The following KIAA1549 variants were observed in gnomAD, a reference collection of about 807,000 sequenced individuals.
KIAA1549 encodes the protein KIAA1549, also known as UPF0606 protein KIAA1549.
A neutral mutation model predicts 156.4 loss-of-function variants in KIAA1549; 70 were observed. The observed-to-expected ratio is 0.45, with a 90% CI of 0.37 to 0.55. KIAA1549 has a LOEUF of 0.55. Ranked by LOEUF, KIAA1549 falls within the 20% of genes least tolerant of loss-of-function variation. The pLI, the probability that KIAA1549 is intolerant of heterozygous loss-of-function variation, is 0.00. For missense variants in KIAA1549, 2,428 were observed against 2,540.9 expected, an observed-to-expected ratio of 0.96 and a Z score of 0.96; for synonymous variants, 1,103 against 1,066.4, an observed-to-expected ratio of 1.03 and a Z score of -0.67.
chr7:138,840,330 C>A (rs1809877357), intron 18 of KIAA1549, 52 bp from the exon 19 acceptor site: 1 of 1,543,264 alleles, frequency 6.5e-7, no homozygotes, highest in Non-Finnish European at 8.8e-7. Context: ...GAGAGTATGG[C>A]TGCTGAGGAT....
At chr7:138,954,743 A>T (rs1356903812) in intron 1 of KIAA1549, among the ~76,000 whole-genome samples, 1 of 152,186 alleles carries the variant, frequency 6.6e-6, no homozygotes, top group African/African-American at 2.4e-5. Context: ...GTGCAGAGTG[A>T]CTGAAGCTTC....
intron 11 of KIAA1549, among the ~76,000 whole-genome samples, chr7:138,880,113 C>A (rs574672252): frequency 6.6e-6 from 1 of 152,346 alleles, no homozygotes; most frequent in African/African-American, 2.4e-5. Flanking sequence ...GGTGCTTACA[C>A]TGAGATCTGA....
chr7:138,866,991 C>T (rs1453053778), intron 15 of KIAA1549, among the ~76,000 whole-genome samples: 3 of 151,780 alleles, frequency 2.0e-5, no homozygotes, highest in East Asian at 1.9e-4. Flanking sequence ...TTTGGAGAGA[C>T]GGGGTTTCGC....
chr7:138,838,983 A>C (rs1809829601), intron 19 of KIAA1549, among the ~76,000 whole-genome samples: 1 of 152,154 alleles, frequency 6.6e-6, no homozygotes, highest in Admixed American at 6.5e-5. Flanking sequence ...TGGCCAACAT[A>C]GTGAGACCTT....
chr7:138,961,961 G>C (rs73732905), intron 1 of KIAA1549, among the ~76,000 whole-genome samples: 18,288 of 151,848 alleles, frequency 0.12, 1,469 homozygotes, highest in African/African-American at 0.22. Flanking sequence ...CCCTTTACCT[G>C]CATGCACCTA....
chr7:138,937,855 G>A, intron 1 of KIAA1549, among the ~76,000 whole-genome samples: 1 of 152,182 alleles, frequency 6.6e-6, no homozygotes, highest in Non-Finnish European at 1.5e-5. Context: ...TCTGCAGAAA[G>A]ATGATCATTG....
chr7:138,880,513 G>A (rs1811210554), intron 11 of KIAA1549, among the ~76,000 whole-genome samples: 1 of 152,214 alleles, frequency 6.6e-6, no homozygotes, highest in Non-Finnish European at 1.5e-5. Flanking sequence ...TAGGTTTCCT[G>A]ATAAGACAGA....
chr7:138,961,342 G>A lies in KIAA1549; in HGVS notation c.187+19741C>T, dbSNP rs527372675. Among the ~76,000 whole-genome samples the A allele has an allele frequency of 9.1e-4, 139 of 152,286 alleles. 1 individual carries two copies. The highest frequency in any genetic ancestry group is 3.2e-3 in the African/African-American group (135 of 41,560). On this transcript the variant is annotated intron_variant, in intron 1 of 19. Coordinates refer to ENST00000422774, the MANE Select transcript of KIAA1549 (RefSeq NM_001164665.2). Reference sequence around the variant, plus strand: ...TGCTGCATTTTGAAAGCTACTGGGGGAAGCATTGTGAGACTGAGGCAAACA... The same window carrying A: ...TGCTGCATTTTGAAAGCTACTGGGGAAAGCATTGTGAGACTGAGGCAAACA...
At position 138,840,411 on chromosome 7, in the gene KIAA1549, C is replaced by T. The variant is rs146914467; in HGVS notation, c.5453-133G>A. 1,399 of 735,264 alleles carry T rather than the reference C, an allele frequency of 1.9e-3. 2 individuals are homozygous for T. The highest frequency in any genetic ancestry group is 3.1e-3 in the Middle Eastern group (11 of 3,494). The allele number at this position is 735,264 out of a possible 1,614,324, so 45.5% of individuals were successfully genotyped here. A position where few individuals can be genotyped will look rare whatever the true frequency, so the allele number is the denominator to read the frequency against. On this transcript the variant is annotated intron_variant, in intron 18 of 19. Coordinates refer to ENST00000422774, the MANE Select transcript of KIAA1549 (RefSeq NM_001164665.2). ...ATGACAAGGGATCAGGACTTGGTACCAGTTCTATCTCCAGAAATCTCACCT... is the reference window on the plus strand; with the variant it reads ...ATGACAAGGGATCAGGACTTGGTACTAGTTCTATCTCCAGAAATCTCACCT...
At chr7:138,948,445 C>G (rs1371058146) in intron 1 of KIAA1549, among the ~76,000 whole-genome samples, 2 of 152,156 alleles carry the variant, frequency 1.3e-5, no homozygotes, top group Non-Finnish European at 2.9e-5. Flanking sequence ...CTGGAGCCAT[C>G]AGAGGTAGCA....
chr7:138,890,030 G>C (rs1336314412), intron 10 of KIAA1549, among the ~76,000 whole-genome samples: 1 of 152,204 alleles, frequency 6.6e-6, no homozygotes, highest in Non-Finnish European at 1.5e-5. Context: ...CAAGATTAAT[G>C]AGAGTGTTCA....
chr7:138,880,162 T>C (rs577042464), intron 11 of KIAA1549, among the ~76,000 whole-genome samples: 3 of 152,286 alleles, frequency 2.0e-5, no homozygotes, highest in Admixed American at 2.0e-4. Flanking sequence ...GGCACCCAGC[T>C]TGCACCAGGG....
chr7:138,852,894 A>G (rs1009498093), intron 16 of KIAA1549, among the ~76,000 whole-genome samples: 2 of 152,262 alleles, frequency 1.3e-5, no homozygotes, highest in Admixed American at 6.5e-5. Context: ...CTTAAGTTCC[A>G]TAAGGTGCCC....
Position 138,837,884 on chromosome 7 carries a change from C to T in KIAA1549, c.*22G>A. 6.2e-7 allele frequency: 1 copy of T among 1,608,540 alleles called. No homozygotes were observed. The highest frequency in any genetic ancestry group is 8.5e-7 in the Non-Finnish European group (1 of 1,177,588). ...GCTTCCACAGGAAGCGGATACTTGG[C>T]AAATCTGCGAGGCGAGGCCGATCAG... On this transcript the variant is annotated 3_prime_UTR_variant, in exon 20 of 20. Coordinates refer to ENST00000422774, the MANE Select transcript of KIAA1549 (RefSeq NM_001164665.2).
chr7:138,966,774 G>C (rs1814037235), intron 1 of KIAA1549, among the ~76,000 whole-genome samples: 1 of 151,968 alleles, frequency 6.6e-6, no homozygotes, highest in Admixed American at 6.6e-5. Context: ...CAATCCAATC[G>C]AGTTGACACT....
At chr7:138,895,512 G>C (rs1325577384) in intron 9 of KIAA1549, among the ~76,000 whole-genome samples, 2 of 151,970 alleles carry the variant, frequency 1.3e-5, no homozygotes, top group East Asian at 3.9e-4. Flanking sequence ...CATGATAATG[G>C]AACAAGCCAG....
chr7:138,954,615 CT>C (rs1267086530), intron 1 of KIAA1549, among the ~76,000 whole-genome samples: 1 of 152,094 alleles, frequency 6.6e-6, no homozygotes, highest in Non-Finnish European at 1.5e-5. Context: ...TGGCACCCCC[CT>C]CCCCCCACAA....
intron 11 of KIAA1549, among the ~76,000 whole-genome samples, chr7:138,880,672 C>A (rs1811215651): frequency 6.6e-6 from 1 of 152,148 alleles, no homozygotes; most frequent in Non-Finnish European, 1.5e-5. Context: ...GATGGAAAGT[C>A]AACTTAATAA....
rs1812343019 is a variant in KIAA1549, at chr7:138,916,972, G to A, written c.2654C>T (p.Thr885Ile). Residue 885 changes from threonine to isoleucine, a missense_variant, in exon 2 of 20, where the codon ACA (threonine) becomes ATA (isoleucine). By Grantham distance (89) the Thr-to-Ile change is moderately conservative. Transcript: ENST00000422774. ...ACCAGTGGCAGCACCGGTGCTGGTTGTGCTCACTTCCGTGGAGGTGTTCAG... is the reference window on the plus strand; with the variant it reads ...ACCAGTGGCAGCACCGGTGCTGGTTATGCTCACTTCCGTGGAGGTGTTCAG... ...VPLNTSTEVSTTSTGAATGGP... is the reference protein window; with the variant it reads ...VPLNTSTEVSITSTGAATGGP... 2.5e-6 allele frequency: 4 copies of A among 1,601,938 alleles called. No individual in the cohort carries two copies. The highest frequency in any genetic ancestry group is 3.4e-6 in the Non-Finnish European group (4 of 1,173,828).
Sources: allele counts gnomAD v4.1 joint callset (sites outside exome capture counted in the v4.1 genomes callset), GRCh38; gene constraint gnomAD v4.1.1; transcripts MANE v1.5; gene names NCBI Gene and HGNC (gene_info 2026-07-23, HGNC 2026-07-21).